GNA11: variants seen among roughly 807,000 people sequenced by gnomAD.
GNA11 encodes guanine nucleotide-binding protein subunit alpha-11.
A neutral mutation model predicts 38.2 loss-of-function variants in GNA11; 8 were observed. The ratio of observed to expected loss-of-function variants is 0.21; its 90% confidence interval spans 0.12 to 0.38. The LOEUF (loss-of-function observed/expected upper bound fraction) is 0.38. GNA11 is among the 10% of genes least tolerant of loss of function. The pLI is 1.00. For synonymous variants in GNA11, 211 were observed against 221.4 expected (o/e 0.95, Z 0.42); for missense variants, 268 against 516.3 (o/e 0.52, Z 4.66).
chr19:3,103,517 A>ATTTTTT (rs1568280006), intron 1 of GNA11, among the ~76,000 whole-genome samples: 8 of 60,330 alleles, frequency 1.3e-4, no homozygotes, highest in Admixed American at 1.9e-4. Context: ...CCGGCCTTGA[A>ATTTTTT]TCTTTTTTTT....
intron 1 of GNA11, among the ~76,000 whole-genome samples, chr19:3,103,519 CTTTTTTTTTTTTTTT>C (rs760497682): frequency 9.6e-4 from 44 of 45,814 alleles, no homozygotes; most frequent in African/African-American, 2.9e-3. Flanking sequence ...GGCCTTGAAT[CTTTTTTTTTTTTTTT>C]TTTTTTTTTT....
intron 4 of GNA11, among the ~76,000 whole-genome samples, chr19:3,116,160 A>G (rs1466227392): frequency 6.6e-6 from 1 of 152,154 alleles, no homozygotes; most frequent in East Asian, 1.9e-4. Context: ...GGGGACCCTC[A>G]GTGGGTCCTG....
Position 3,121,629 on chromosome 19 carries a change from C to A in GNA11, c.*450C>A. ...AGCCCCCCGTGGCTGTCCTTCCAACCCCACGTGCTTTTTCTTTCTCCTGCC... is the reference window on the plus strand; with the variant it reads ...AGCCCCCCGTGGCTGTCCTTCCAACACCACGTGCTTTTTCTTTCTCCTGCC... On this transcript the variant is annotated 3_prime_UTR_variant, in exon 7 of 7. Transcript: ENST00000078429. The A allele has an allele frequency of 4.3e-6, 1 of 233,482 alleles. No individual in the cohort carries two copies. Among genetic ancestry groups the A allele is most frequent in the Non-Finnish European group, 8.5e-6 (1 of 118,308 alleles). The allele number at this position is 233,482 out of a possible 1,614,324, so 14.5% of individuals were successfully genotyped here.
At position 3,094,871 on chromosome 19, in the gene GNA11, C is replaced by T; in HGVS notation, c.136+84C>T. The T allele has an allele frequency of 9.4e-7, 1 of 1,063,688 alleles. No individual in the cohort carries two copies. The highest frequency in any genetic ancestry group is 1.3e-6 in the Non-Finnish European group (1 of 791,398). 65.9% of individuals were successfully genotyped at this position (1,063,688 alleles called of 1,614,324 possible). A position where few individuals can be genotyped will look rare whatever the true frequency, so the allele number is the denominator to read the frequency against. On this transcript the variant is annotated intron_variant, in intron 1 of 6. Transcript: ENST00000078429. This position sits in a 1 kb window ranked among gnomAD's most constrained non-coding sequence, Gnocchi z 6.0. ...CCTGTCCGGGTCGGGCCGGGACCCT[C>T]CGGGGTCAGCCCTGCCTGTGCCGTC...
rs914644504 is a variant in GNA11 at position 3,120,260 on chromosome 19, G to A, written c.890-729G>A. ...GCAGGGCCCTGCTGTCCCTGGGCAG[G>A]GGAGTGGCGGGGGGCGCTGCACCTG... On this transcript the variant is annotated intron_variant, in intron 6 of 6. Coordinates refer to ENST00000078429, the MANE Select transcript of GNA11 (RefSeq NM_002067.5). The surrounding 1 kb of genome is among the most constrained non-coding windows in gnomAD (Gnocchi z 5.9). 6.6e-6 allele frequency among the ~76,000 whole-genome samples: 1 copy of A among 152,080 alleles called. No individual in the cohort carries two copies. The highest frequency in any genetic ancestry group is 2.4e-5 in the African/African-American group (1 of 41,416).
intron 4 of GNA11, 111 bp from the exon 5 acceptor site, chr19:3,118,813 A>G: frequency 1.0e-6 from 1 of 1,001,908 alleles, no homozygotes; most frequent in Non-Finnish European, 1.5e-6. Flanking sequence ...TTCCTGCTCC[A>G]GCCGATGTCA....
chr19:3,096,532 C>T (rs1021722997), intron 1 of GNA11, among the ~76,000 whole-genome samples: 25 of 152,224 alleles, frequency 1.6e-4, no homozygotes. Flanking sequence ...TGTGCCTGCA[C>T]TTTGGACTTG....
Position 3,123,361 on chromosome 19 carries a change from A to C in GNA11, c.*2182A>C. On this transcript the variant is annotated 3_prime_UTR_variant, in exon 7 of 7. Transcript: ENST00000078429. ...CTGAGTGCCTGATCCCCTGCCCCCC[A>C]AAAAAGCAGAGGTAGGTGTTGCAGG... is the stretch of plus-strand genomic sequence containing the variant. The C allele has an allele frequency of 4.3e-6, 1 of 233,006 alleles. No homozygotes were observed. Among genetic ancestry groups the C allele is most frequent in the Middle Eastern group, 1.3e-3 (1 of 786 alleles). 14.4% of individuals were successfully genotyped at this position (233,006 alleles called of 1,614,324 possible). A position where few individuals can be genotyped will look rare whatever the true frequency, so the allele number is the denominator to read the frequency against.
At chr19:3,114,231 G>A (rs3786947) in intron 3 of GNA11, among the ~76,000 whole-genome samples, 47,210 of 152,088 alleles carry the variant, frequency 0.31, 8,131 homozygotes, top group Middle Eastern at 0.39. Context: ...TCGCGGTGCC[G>A]GAAAGGTCTG....
chr19:3,102,698 C>T (rs1304519834), intron 1 of GNA11, among the ~76,000 whole-genome samples: 2 of 152,134 alleles, frequency 1.3e-5, no homozygotes, highest in Non-Finnish European at 2.9e-5. Context: ...GAGACTGAAG[C>T]GAAGCAGGCA....
intron 4 of GNA11, chr19:3,117,965 C>T (rs1346385613): frequency 6.6e-6 from 1 of 152,248 alleles, no homozygotes; most frequent in Non-Finnish European, 1.5e-5. Context: ...GGGCTGTGGC[C>T]TGGTGTCGGC....
chr19:3,111,142 G>A (rs1244288416), intron 2 of GNA11, among the ~76,000 whole-genome samples: 1 of 148,332 alleles, frequency 6.7e-6, no homozygotes, highest in Non-Finnish European at 1.5e-5. Flanking sequence ...GAGGTCATTT[G>A]ATGCCCTGTT....
Position 3,110,643 on chromosome 19 carries a change from G to C in GNA11, c.321+310G>C, listed in dbSNP as rs1913752036. Among the ~76,000 whole-genome samples the C allele has an allele frequency of 6.6e-6, 1 of 152,194 alleles. No individual in the cohort carries two copies. Among genetic ancestry groups the C allele is most frequent in the Admixed American group, 6.5e-5 (1 of 15,288 alleles). On this transcript the variant is annotated intron_variant, in intron 2 of 6. Transcript: ENST00000078429. The surrounding 1 kb of genome is among the most constrained non-coding windows in gnomAD (Gnocchi z 5.4). ...GGGAAGCTGAGGCCCTGTGAGGTGA[G>C]CCACTCGCCCAGGTCGCCTTGGGAG...
At chr19:3,097,112 G>A (rs1913390849) in intron 1 of GNA11, among the ~76,000 whole-genome samples, 1 of 152,144 alleles carries the variant, frequency 6.6e-6, no homozygotes, top group Non-Finnish European at 1.5e-5. Flanking sequence ...CACTCTCCCA[G>A]TAGGCCAGCC....
At position 3,121,349 on chromosome 19, in the gene GNA11, CA is replaced by C. The variant is rs762260069; in HGVS notation, c.*171del. The C allele has an allele frequency of 4.0e-5, 23 of 574,780 alleles. No individual in the cohort carries two copies. The highest frequency in any genetic ancestry group is 5.3e-5 in the Non-Finnish European group (17 of 323,076). 35.6% of individuals were successfully genotyped at this position (574,780 alleles called of 1,614,324 possible). On this transcript the variant is annotated 3_prime_UTR_variant, in exon 7 of 7. Coordinates refer to ENST00000078429, the MANE Select transcript of GNA11 (RefSeq NM_002067.5). Reference sequence around the variant, plus strand: ...CAAATGGTTTTTATTTCACAGTTATCAGGGGATGTACATCTCTCCCTCCGTA... The same window carrying C: ...CAAATGGTTTTTATTTCACAGTTATCGGGGATGTACATCTCTCCCTCCGTA...
At chr19:3,109,340 C>T (rs1436775095) in intron 1 of GNA11, among the ~76,000 whole-genome samples, 1 of 152,228 alleles carries the variant, frequency 6.6e-6, no homozygotes, top group Non-Finnish European at 1.5e-5. Flanking sequence ...CGACAGCTGG[C>T]CACATGGGCC....
rs56253400 is a variant in GNA11, at chr19:3,122,435, C to A, written c.*1256C>A. On this transcript the variant is annotated 3_prime_UTR_variant, in exon 7 of 7. Transcript: ENST00000078429. This position sits in a 1 kb window ranked among gnomAD's most constrained non-coding sequence, Gnocchi z 7.7. Reference sequence around the variant, plus strand: ...GGCCTGGCTGGCCACGACCACGGCCCGAGGGGGAGCCCGCCAGGCCACGCC... The same window carrying A: ...GGCCTGGCTGGCCACGACCACGGCCAGAGGGGGAGCCCGCCAGGCCACGCC... 1 of 231,202 alleles carries A rather than the reference C, an allele frequency of 4.3e-6. No individual in the cohort carries two copies. The highest frequency in any genetic ancestry group is 2.2e-5 in the African/African-American group (1 of 45,150). The allele number at this position is 231,202 out of a possible 1,614,324, so 14.3% of individuals were successfully genotyped here.
At chr19:3,100,469 C>A (rs1235275519) in intron 1 of GNA11, among the ~76,000 whole-genome samples, 1 of 152,170 alleles carries the variant, frequency 6.6e-6, no homozygotes, top group Non-Finnish European at 1.5e-5. Flanking sequence ...AGATGCTTGG[C>A]GAGTGACCGT....
intron 3 of GNA11, 42 bp from the exon 4 acceptor site, chr19:3,114,902 C>G (rs3746068): frequency 2.7e-5 from 42 of 1,566,118 alleles, no homozygotes; most frequent in Admixed American, 5.3e-5. Flanking sequence ...CCTGCCCCCC[C>G]ACCCCCGGCA....
Sources: allele counts gnomAD v4.1 joint callset (sites outside exome capture counted in the v4.1 genomes callset), GRCh38; gene constraint gnomAD v4.1.1; non-coding constraint Gnocchi (gnomAD v3.1); transcripts MANE v1.5; gene names NCBI Gene and HGNC (gene_info 2026-07-23, HGNC 2026-07-21).